The following MAPK4 variants were observed in gnomAD, a reference collection of about 807,000 sequenced individuals.
MAPK4 encodes mitogen-activated protein kinase 4.
Under a neutral mutation model 47.7 loss-of-function variants are expected in MAPK4, and 22 were observed. The ratio of observed to expected loss-of-function variants is 0.46; its 90% CI spans 0.33 to 0.66. The LOEUF (loss-of-function observed/expected upper bound fraction) is 0.66. Ranked by LOEUF, MAPK4 falls within the 30% of genes least tolerant of loss-of-function variation. The pLI is 0.02. For missense variants in MAPK4, 736 were observed against 831.7 expected (o/e 0.88, Z 1.42); for synonymous variants, 390 against 365.7 (o/e 1.07, Z -0.76).
intron 1 of MAPK4, among the ~76,000 whole-genome samples, chr18:50,655,157 G>A (rs909407182): frequency 1.3e-5 from 2 of 152,204 alleles, no homozygotes; most frequent in African/African-American, 2.4e-5. Context: ...CCCAGGGTGG[G>A]TGGCATCACT....
At chr18:50,567,945 C>T (rs1271675899) in intron 1 of MAPK4, among the ~76,000 whole-genome samples, 1 of 151,968 alleles carries the variant, frequency 6.6e-6, no homozygotes, top group Non-Finnish European at 1.5e-5. Context: ...GCCTGTAATC[C>T]CAGCACTTTG....
intron 1 of MAPK4, among the ~76,000 whole-genome samples, chr18:50,563,992 T>C (rs915631060): frequency 1.3e-5 from 2 of 152,168 alleles, no homozygotes; most frequent in Non-Finnish European, 2.9e-5. Flanking sequence ...AAGTGGGTGT[T>C]GGAGGTAATT....
chr18:50,615,202 G>GC (rs1229089563), intron 1 of MAPK4, among the ~76,000 whole-genome samples: 2 of 149,774 alleles, frequency 1.3e-5, no homozygotes, highest in African/African-American at 5.1e-5. Context: ...TAATTGTGTT[G>GC]GGGGGGGAGA....
At chr18:50,648,546 A>G (rs1455216583) in intron 1 of MAPK4, among the ~76,000 whole-genome samples, 1 of 152,188 alleles carries the variant, frequency 6.6e-6, no homozygotes, top group Non-Finnish European at 1.5e-5. Context: ...CAGAGAGAGC[A>G]TTGCAGGGTT....
At chr18:50,596,608 G>T (rs1022096630) in intron 1 of MAPK4, among the ~76,000 whole-genome samples, 7 of 152,198 alleles carry the variant, frequency 4.6e-5, no homozygotes, top group African/African-American at 1.7e-4. Context: ...TAAGTGCAAA[G>T]AATTCCTTAA....
At chr18:50,599,475 G>C (rs2042515382) in intron 1 of MAPK4, among the ~76,000 whole-genome samples, 1 of 152,152 alleles carries the variant, frequency 6.6e-6, no homozygotes, top group South Asian at 2.1e-4. Flanking sequence ...TTGGAGTACA[G>C]GGGTACAATC....
intron 1 of MAPK4, among the ~76,000 whole-genome samples, chr18:50,584,475 C>T (rs1258507211): frequency 2.0e-5 from 3 of 152,144 alleles, no homozygotes; most frequent in Non-Finnish European, 4.4e-5. Flanking sequence ...ATAACTTTAG[C>T]AGTGCAGCCT....
chr18:50,696,784 T>C (rs1260799428), intron 2 of MAPK4, among the ~76,000 whole-genome samples: 1 of 152,198 alleles, frequency 6.6e-6, no homozygotes, highest in African/African-American at 2.4e-5. Flanking sequence ...CAGATGGTGA[T>C]GGCAGCACAC....
chr18:50,625,446 C>A (rs2042768601), intron 1 of MAPK4, among the ~76,000 whole-genome samples: 1 of 152,162 alleles, frequency 6.6e-6, no homozygotes, highest in African/African-American at 2.4e-5. Context: ...AGCTTCCTCC[C>A]TCCAAAGACC....
chr18:50,604,374 A>G (rs1753691603), intron 1 of MAPK4, among the ~76,000 whole-genome samples: 1 of 152,214 alleles, frequency 6.6e-6, no homozygotes, highest in African/African-American at 2.4e-5. Context: ...TGTTAAAGCA[A>G]TTTATATAAT....
intron 2 of MAPK4, among the ~76,000 whole-genome samples, chr18:50,689,958 G>A (rs530084824): frequency 3.3e-5 from 5 of 152,272 alleles, no homozygotes; most frequent in East Asian, 1.9e-4. Context: ...AATTAATACC[G>A]TGGGTCCTAG....
At chr18:50,566,830 G>A (rs76575115) in intron 1 of MAPK4, among the ~76,000 whole-genome samples, 3,128 of 152,164 alleles carry the variant, frequency 0.021, 105 homozygotes, top group African/African-American at 0.07. Context: ...ATGGAAAGTG[G>A]CAAGAAGAAT....
chr18:50,684,881 CG>C (rs1311312830), intron 2 of MAPK4, among the ~76,000 whole-genome samples: 3 of 152,110 alleles, frequency 2.0e-5, no homozygotes, highest in Non-Finnish European at 4.4e-5. Context: ...GCCAGAGGGC[CG>C]GGAGCAGTGT....
At chr18:50,578,248 G>T (rs2042315122) in intron 1 of MAPK4, among the ~76,000 whole-genome samples, 1 of 152,220 alleles carries the variant, frequency 6.6e-6, no homozygotes, top group Non-Finnish European at 1.5e-5. Flanking sequence ...AGAGTTCATT[G>T]AAGCTGCTCA....
intron 1 of MAPK4, among the ~76,000 whole-genome samples, chr18:50,569,546 A>G (rs1265138373): frequency 6.6e-6 from 1 of 152,186 alleles, no homozygotes; most frequent in Non-Finnish European, 1.5e-5. Flanking sequence ...TCTAGGGTCT[A>G]TCAGAGGGTG....
chr18:50,586,506 T>C (rs1024774843), intron 1 of MAPK4, among the ~76,000 whole-genome samples: 2 of 151,920 alleles, frequency 1.3e-5, no homozygotes, highest in Admixed American at 1.3e-4. Flanking sequence ...ATTCCAGCCA[T>C]GCATTTATTT....
At chr18:50,655,549 G>A (rs1349760151) in intron 1 of MAPK4, among the ~76,000 whole-genome samples, 4 of 152,172 alleles carry the variant, frequency 2.6e-5, no homozygotes, top group Admixed American at 2.6e-4. Flanking sequence ...ACTGCAGCCT[G>A]CACTCCTCTG....
intron 1 of MAPK4, among the ~76,000 whole-genome samples, chr18:50,613,277 G>A (rs957099054): frequency 6.6e-6 from 1 of 152,304 alleles, no homozygotes; most frequent in South Asian, 2.1e-4. Flanking sequence ...CTTTGAAAAA[G>A]CACACAGCCG....
intron 1 of MAPK4, among the ~76,000 whole-genome samples, chr18:50,601,463 A>T (rs1370129646): frequency 1.3e-5 from 2 of 151,986 alleles, no homozygotes; most frequent in African/African-American, 4.8e-5. Context: ...AAACACATGC[A>T]ACTTTCTCTA....
Sources: gnomAD v4.1 joint callset for allele counts (sites outside exome capture counted in the v4.1 genomes callset) on GRCh38, gnomAD v4.1.1 for gene constraint, MANE v1.5 for transcripts, NCBI Gene and HGNC (gene_info 2026-07-23, HGNC 2026-07-21) for gene names.